PTPRM: variants seen among roughly 807,000 people sequenced by gnomAD.
PTPRM encodes the protein protein tyrosine phosphatase receptor type M, also known as receptor-type tyrosine-protein phosphatase mu.
In PTPRM, 47 loss-of-function variants were observed where a neutral mutation model predicts 186.7. That is an observed-to-expected ratio of 0.25 (90% CI 0.20 to 0.32). PTPRM has a LOEUF of 0.32. Ranked by LOEUF, PTPRM falls within the 10% of genes least tolerant of loss-of-function variation. PTPRM has a pLI of 1.00. For synonymous variants in PTPRM, 668 were observed against 674.9 expected (o/e 0.99, Z 0.16); for missense variants, 1,494 against 1,865.0 (o/e 0.80, Z 3.66).
intron 1 of PTPRM, among the ~76,000 whole-genome samples, chr18:7,675,803 C>T (rs901014980): frequency 5.3e-5 from 8 of 151,020 alleles, no homozygotes; most frequent in Non-Finnish European, 1.0e-4. Flanking sequence ...GGCATGGTCT[C>T]GGCTCACTGC....
At chr18:7,712,705 G>A (rs1051464624) in intron 1 of PTPRM, among the ~76,000 whole-genome samples, 1 of 151,852 alleles carries the variant, frequency 6.6e-6, no homozygotes, top group African/African-American at 2.4e-5. Context: ...AACACAGCAC[G>A]AGAACTTCGT....
chr18:8,159,485 A>T (rs2093186383), intron 14 of PTPRM, among the ~76,000 whole-genome samples: 1 of 152,218 alleles, frequency 6.6e-6, no homozygotes, highest in South Asian at 2.1e-4. Context: ...AAAATTTGAC[A>T]AAACTGTAGT....
chr18:7,572,192 C>T (rs968386466), intron 1 of PTPRM, among the ~76,000 whole-genome samples: 3 of 152,006 alleles, frequency 2.0e-5, no homozygotes, highest in Non-Finnish European at 2.9e-5. Flanking sequence ...CTCATGTTTT[C>T]AAAGGGTTAT....
intron 7 of PTPRM, among the ~76,000 whole-genome samples, chr18:7,993,025 C>T (rs1450046506): frequency 6.6e-6 from 1 of 151,510 alleles, no homozygotes; most frequent in Non-Finnish European, 1.5e-5. Context: ...ATTAAAAAAA[C>T]ATTAATGACA....
intron 18 of PTPRM, 106 bp downstream of exon 18, chr18:8,252,605 G>C (rs1018314939): frequency 9.1e-7 from 1 of 1,104,538 alleles, no homozygotes; most frequent in African/African-American, 1.5e-5. Flanking sequence ...GTGCTGGCCT[G>C]CATGTTTGCC....
rs577517489 is a variant in PTPRM at position 7,828,655 on chromosome 18, A to G, written c.196+54384A>G. On this transcript the variant is annotated intron_variant, in intron 2 of 32. Transcript: ENST00000580170. ...GTGCTGTGCAGTACATCTGTGTGAA[A>G]GGATTCCGTGTTTTTCTAGGCTGAG... Among the ~76,000 whole-genome samples, 17 of 152,296 alleles carry G rather than the reference A, an allele frequency of 1.1e-4. No homozygotes were observed. The South Asian group carries it at 3.1e-3, about 28-fold the overall frequency.
In PTPRM at chr18:7,774,231, C is replaced by T; in HGVS notation, c.156C>T (p.Asn52=). Reference sequence around the variant, plus strand: ...ATGACTTCAATTGGGAGCAAGTGAACACCTTGACTAAACCGACTTCTGATC... The same window carrying T: ...ATGACTTCAATTGGGAGCAAGTGAATACCTTGACTAAACCGACTTCTGATC... ...EGDDFNWEQV[N]TLTKPTSDPW... The change falls in exon 2 of 33, where the codon AAC becomes AAT. Residue 52 remains asparagine, a synonymous_variant. Coordinates refer to ENST00000580170, the MANE Select transcript of PTPRM (RefSeq NM_001105244.2). 6.2e-7 allele frequency: 1 copy of T among 1,614,052 alleles called. No homozygotes were observed. The highest frequency in any genetic ancestry group is 8.5e-7 in the Non-Finnish European group (1 of 1,179,930).
At chr18:7,949,528 T>C (rs1423218637) in intron 6 of PTPRM, among the ~76,000 whole-genome samples, 173 bp downstream of exon 6, 2 of 152,226 alleles carry the variant, frequency 1.3e-5, no homozygotes, top group African/African-American at 4.8e-5. Context: ...ACGTGAACAA[T>C]ATTTTTGAAA....
intron 11 of PTPRM, among the ~76,000 whole-genome samples, chr18:8,091,031 A>G (rs2090692707): frequency 6.6e-6 from 1 of 152,120 alleles, no homozygotes; most frequent in South Asian, 2.1e-4. Context: ...TCACTAAGAC[A>G]TTATTTTGTT....
At position 8,383,471 on chromosome 18, in the gene PTPRM, A is replaced by C. The variant is rs76156749; in HGVS notation, c.3919-1090A>C. ...AAATCTTAGCAGTTCTTCCTTCCTG[A>C]CTATTTCCAAGGGTAGGAATTTTGT... On this transcript the variant is annotated intron_variant, in intron 29 of 32. Coordinates refer to ENST00000580170, the MANE Select transcript of PTPRM (RefSeq NM_001105244.2). Among the ~76,000 whole-genome samples the C allele has an allele frequency of 3.7e-3, 569 of 152,140 alleles. 3 individuals carry two copies. Among genetic ancestry groups the C allele is most frequent in the African/African-American group, 0.013 (541 of 41,504 alleles).
intron 11 of PTPRM, among the ~76,000 whole-genome samples, chr18:8,105,965 AAG>A (rs546276665): frequency 1.0e-3 from 153 of 152,322 alleles, no homozygotes; most frequent in Non-Finnish European, 1.4e-3. Context: ...GTGATTTGGA[AAG>A]AGAGAGGAGA....
At chr18:8,243,775 C>T (rs922110627) in intron 14 of PTPRM, among the ~76,000 whole-genome samples, 1 of 152,142 alleles carries the variant, frequency 6.6e-6, no homozygotes, top group Non-Finnish European at 1.5e-5. Context: ...TTTAATCTAG[C>T]TTATAATAGG....
intron 7 of PTPRM, among the ~76,000 whole-genome samples, chr18:8,006,541 C>T (rs2084197640): frequency 6.6e-6 from 1 of 152,200 alleles, no homozygotes; most frequent in Non-Finnish European, 1.5e-5. Flanking sequence ...CCTCCTCCTG[C>T]TTCTCTCATC....
Position 7,626,278 on chromosome 18 carries a change from C to T in PTPRM, c.73+58387C>T, listed in dbSNP as rs9957169. ...AATGCCCTTCCCTCTGTGAGACATG[C>T]ACTCGCGTTTGGCAAAGACTGTGGT... is the stretch of plus-strand genomic sequence containing the variant. On this transcript the variant is annotated intron_variant, in intron 1 of 32. Coordinates refer to ENST00000580170, the MANE Select transcript of PTPRM (RefSeq NM_001105244.2). 7.6e-3 allele frequency among the ~76,000 whole-genome samples: 1,154 copies of T among 152,324 alleles called. 11 individuals carry two copies. Among genetic ancestry groups the T allele is most frequent in the African/African-American group, 0.027 (1,111 of 41,572 alleles).
chr18:8,207,804 C>A (rs1432876155), intron 14 of PTPRM, among the ~76,000 whole-genome samples: 1 of 152,066 alleles, frequency 6.6e-6, no homozygotes, highest in Non-Finnish European at 1.5e-5. Flanking sequence ...AGAGTGGAGT[C>A]CCAAAGAGAG....
intron 14 of PTPRM, among the ~76,000 whole-genome samples, chr18:8,190,498 G>A (rs1361843615): frequency 6.6e-6 from 1 of 152,130 alleles, no homozygotes; most frequent in African/African-American, 2.4e-5. Flanking sequence ...AGCTGCTCAC[G>A]TCACTTTTTG....
chr18:8,252,588 C>T, intron 18 of PTPRM, 89 bp downstream of exon 18: 1 of 1,225,310 alleles, frequency 8.2e-7, no homozygotes, highest in East Asian at 2.3e-5. Context: ...CCAGCTGGTG[C>T]TGCTCTGTGC....
chr18:8,085,252 A>C (rs1437211940), intron 9 of PTPRM, among the ~76,000 whole-genome samples: 1 of 152,070 alleles, frequency 6.6e-6, no homozygotes, highest in Non-Finnish European at 1.5e-5. Flanking sequence ...CCTCGTTCCC[A>C]ATAGGTAATG....
At chr18:8,079,404 A>G (rs2090005382) in intron 9 of PTPRM, among the ~76,000 whole-genome samples, 1 of 152,218 alleles carries the variant, frequency 6.6e-6, no homozygotes, top group South Asian at 2.1e-4. Context: ...CTCTGAAAGA[A>G]TACTTGTAAG....
Sources: allele counts gnomAD v4.1 joint callset (sites outside exome capture counted in the v4.1 genomes callset), GRCh38; gene constraint gnomAD v4.1.1; transcripts MANE v1.5; gene names NCBI Gene and HGNC (gene_info 2026-07-23, HGNC 2026-07-21).